ANKRD36B: variants seen among roughly 807,000 people sequenced by gnomAD.
ANKRD36B encodes the protein ankyrin repeat domain-containing protein 36B.
A neutral mutation model predicts 135.7 loss-of-function variants in ANKRD36B; 37 were observed. The observed-to-expected ratio is 0.27, with a 90% CI of 0.21 to 0.36. The LOEUF is 0.36. Ranked by LOEUF, ANKRD36B falls within the 10% of genes least tolerant of loss-of-function variation. The probability of loss-of-function intolerance (pLI) is 1.00; values close to 1 mark genes in which losing one functional copy is unlikely to be tolerated. For synonymous variants in ANKRD36B, 179 were observed against 348.1 expected (o/e 0.51, Z 5.41); for missense variants, 549 against 1,037.1 (o/e 0.53, Z 6.46).
chr2:97,573,577 C>T (rs1309794378), intron 6 of ANKRD36B, among the ~76,000 whole-genome samples: 1 of 152,128 alleles, frequency 6.6e-6, no homozygotes, highest in Admixed American at 6.6e-5. Flanking sequence ...GCCCACATCA[C>T]CAAGTCAATC....
rs1342837129 is a variant in ANKRD36B at position 97,529,560 on chromosome 2, T to A, written c.2265+2751A>T. 2.1e-5 allele frequency among the ~76,000 whole-genome samples: 2 copies of A among 95,032 alleles called. 1 individual carries two copies. Among genetic ancestry groups the A allele is most frequent in the Non-Finnish European group, 5.6e-5 (2 of 35,992 alleles). The allele number at this position is 95,032 out of a possible 152,430, so 62.3% of individuals were successfully genotyped here. On this transcript the variant is annotated intron_variant, in intron 35 of 43. Transcript: ENST00000359901. ...TGTTGGAAGTTCTGGCCAGGCCCATTAGGCAGGAGAAGGAAATAAAGGGTA... is the reference window on the plus strand; with the variant it reads ...TGTTGGAAGTTCTGGCCAGGCCCATAAGGCAGGAGAAGGAAATAAAGGGTA...
intron 20 of ANKRD36B, among the ~76,000 whole-genome samples, chr2:97,549,201 T>C (rs1407473021): frequency 6.6e-6 from 1 of 151,702 alleles, no homozygotes; most frequent in Non-Finnish European, 1.5e-5. Context: ...CCAACTTCAA[T>C]GTGGGGAAGT....
intron 16 of ANKRD36B, 29 bp downstream of exon 16, chr2:97,553,139 A>G (rs1271201928): frequency 1.2e-6 from 2 of 1,600,020 alleles, no homozygotes; most frequent in Non-Finnish European, 8.5e-7. Flanking sequence ...TGGATTGAAC[A>G]TGACATTGAA....
intron 14 of ANKRD36B, among the ~76,000 whole-genome samples, chr2:97,554,854 TG>T (rs1341040901): frequency 2.6e-5 from 4 of 151,912 alleles, no homozygotes; most frequent in Non-Finnish European, 5.9e-5. Flanking sequence ...AATTTCAATG[TG>T]GGGAAGTCTA....
Position 97,538,810 on chromosome 2 carries a change from A to G in ANKRD36B, c.1988-447T>C, listed in dbSNP as rs2079014830. 2.1e-5 allele frequency among the ~76,000 whole-genome samples: 2 copies of G among 97,172 alleles called. 1 individual carries two copies. Among genetic ancestry groups the G allele is most frequent in the Admixed American group, 1.8e-4 (2 of 10,908 alleles). The allele number at this position is 97,172 out of a possible 152,430, so 63.7% of individuals were successfully genotyped here. On this transcript the variant is annotated intron_variant, in intron 30 of 43. Coordinates refer to ENST00000359901, the MANE Select transcript of ANKRD36B (RefSeq NM_001393939.1). ...CATCATGCTCTTTAACTTGCCTGGT[A>G]ATTGAGCAGGTACACAATGACAATG...
intron 10 of ANKRD36B, among the ~76,000 whole-genome samples, chr2:97,558,278 T>A (rs1273238521): frequency 6.6e-6 from 1 of 152,070 alleles, no homozygotes; most frequent in South Asian, 2.1e-4. Context: ...GCAACTGAAC[T>A]CAGGTTTCCT....
chr2:97,589,550 C>T lies in ANKRD36B; in HGVS notation c.136G>A (p.Ala46Thr), dbSNP rs188661236. Residue 46 changes from alanine (A) to threonine (T), a missense_variant, in exon 1 of 44, where the codon GCC (alanine) becomes ACC (threonine). Ala to Thr is a moderately conservative substitution (Grantham distance 58, BLOSUM62 0). Transcript: ENST00000359901. ...LKYLLLTYYD[A>T]NKRDRKERTA... ...CTTTCCTTCCTGTCTCTCTTATTGG[C>T]GTCATAATACGTGAGCAGAAGGTAC... 2.2e-3 allele frequency: 3,564 copies of T among 1,604,964 alleles called. 62 individuals carry two copies. In the African/African-American group the frequency reaches 0.037, roughly 17 times the overall value.
rs1192777655 is a variant in ANKRD36B at position 97,529,355 on chromosome 2, C to G, written c.2265+2956G>C. On this transcript the variant is annotated intron_variant, in intron 35 of 43. Coordinates refer to ENST00000359901, the MANE Select transcript of ANKRD36B (RefSeq NM_001393939.1). Reference sequence around the variant, plus strand: ...AAGGCCTTTGATAAAATTCAACAACCCTTCATGCTAAAAACTCTCAATAAA... The same window carrying G: ...AAGGCCTTTGATAAAATTCAACAACGCTTCATGCTAAAAACTCTCAATAAA... 9.5e-5 allele frequency among the ~76,000 whole-genome samples: 9 copies of G among 94,504 alleles called. 1 individual carries two copies. The highest frequency in any genetic ancestry group is 2.4e-4 in the South Asian group (1 of 4,162). 62.0% of individuals were successfully genotyped at this position (94,504 alleles called of 152,430 possible).
chr2:97,564,838 T>C (rs1370004351), intron 6 of ANKRD36B, among the ~76,000 whole-genome samples: 2 of 152,150 alleles, frequency 1.3e-5, no homozygotes, highest in Non-Finnish European at 2.9e-5. Flanking sequence ...TTGCTTAGGA[T>C]TGTCTTGGCT....
rs1312862852 is a variant in ANKRD36B at position 97,527,911 on chromosome 2, G to T, written c.2265+4400C>A. On this transcript the variant is annotated intron_variant, in intron 35 of 43. Coordinates refer to ENST00000359901, the MANE Select transcript of ANKRD36B (RefSeq NM_001393939.1). The stretch of plus-strand genomic sequence containing the variant: ...CACCCAGATTCATAAGGCAAGTCCT[G>T]AGTGACCTACAAAGAGACTTAGACT... 7.3e-5 allele frequency among the ~76,000 whole-genome samples: 7 copies of T among 95,586 alleles called. 3 individuals are homozygous for T. The highest frequency in any genetic ancestry group is 1.4e-4 in the Non-Finnish European group (5 of 35,984). The allele number at this position is 95,586 out of a possible 152,430, so 62.7% of individuals were successfully genotyped here.
Position 97,553,391 on chromosome 2 carries a change from C to T in ANKRD36B, c.1172-20G>A. On this transcript the variant is annotated intron_variant, in intron 14 of 43. Coordinates refer to ENST00000359901, the MANE Select transcript of ANKRD36B (RefSeq NM_001393939.1). ...AAGACACTGAAAAGCAAAAGGGATA[C>T]ATAATCACTCATATGTAAATATGAT... 1 of 1,604,120 alleles carries T rather than the reference C, an allele frequency of 6.2e-7. No individual in the cohort carries two copies. Among genetic ancestry groups the T allele is most frequent in the African/African-American group, 1.3e-5 (1 of 74,622 alleles).
In ANKRD36B at chr2:97,545,588, C is replaced by T; in HGVS notation, c.1681+78G>A. Reference sequence around the variant, plus strand: ...TCAGAACATGAAGATTTGACGAACCCCCCGCTGCTTTATTTGGTGAAGAGA... The same window carrying T: ...TCAGAACATGAAGATTTGACGAACCTCCCGCTGCTTTATTTGGTGAAGAGA... On this transcript the variant is annotated intron_variant, in intron 24 of 43. Coordinates refer to ENST00000359901, the MANE Select transcript of ANKRD36B (RefSeq NM_001393939.1). 2.6e-6 allele frequency: 2 copies of T among 758,104 alleles called. 1 individual carries two copies. The allele number at this position is 758,104 out of a possible 1,614,324, so 47.0% of individuals were successfully genotyped here. A position where few individuals can be genotyped will look rare whatever the true frequency, so the allele number is the denominator to read the frequency against.
chr2:97,554,940 C>G (rs1256613026), intron 14 of ANKRD36B, 120 bp downstream of exon 14: 48 of 1,299,760 alleles, frequency 3.7e-5, no homozygotes, highest in Non-Finnish European at 5.2e-5. Context: ...GATGAAGAAT[C>G]TCTGGCCTGC....
chr2:97,563,994 A>AT (rs750317814), intron 6 of ANKRD36B, among the ~76,000 whole-genome samples: 83,586 of 150,784 alleles, frequency 0.55, 24,722 homozygotes, highest in Non-Finnish European at 0.67. Context: ...ATAGATCTGA[A>AT]ATATATATCA....
chr2:97,535,384 A>G (rs1373790311), intron 34 of ANKRD36B, among the ~76,000 whole-genome samples: 24 of 103,964 alleles, frequency 2.3e-4, no homozygotes, highest in South Asian at 4.7e-4. Context: ...ATTAACCATG[A>G]TGTCATTATT....
At position 97,554,965 on chromosome 2, in the gene ANKRD36B, C is replaced by A; in HGVS notation, c.1171+95G>T. The stretch of plus-strand genomic sequence containing the variant: ...CTCTGGCCTGCTGAATCAGAATGTG[C>A]AGCTTTGATGAGCCCCCCCACTGAT... On this transcript the variant is annotated intron_variant, in intron 14 of 43. Coordinates refer to ENST00000359901, the MANE Select transcript of ANKRD36B (RefSeq NM_001393939.1). 3.4e-6 allele frequency: 5 copies of A among 1,451,578 alleles called. No individual in the cohort carries two copies. The South Asian group carries it at 6.1e-5, about 18-fold the overall frequency. 89.9% of individuals were successfully genotyped at this position (1,451,578 alleles called of 1,614,324 possible).
intron 6 of ANKRD36B, among the ~76,000 whole-genome samples, chr2:97,573,669 T>C (rs141158708): frequency 0.06 from 9,176 of 152,272 alleles, 374 homozygotes; most frequent in Middle Eastern, 0.16. Flanking sequence ...CAAAACAGCA[T>C]GGTACTGGTA....
rs758406268 is a variant in ANKRD36B, at chr2:97,551,460, C to A, written c.1294G>T (p.Ala432Ser). Residue 432 changes from alanine (A) to serine (S), a missense_variant, in exon 17 of 44, where the codon GCC becomes TCC. Physicochemically the swap from Ala to Ser is moderately conservative, Grantham distance 99 (BLOSUM62 1). Transcript: ENST00000359901. The stretch of plus-strand genomic sequence containing the variant: ...AATGAGAGTTTCATTACCTTCAAGG[C>A]TGGTTTTTTCTGAGAAGACACTGAA... The part of the protein sequence containing the change: ...SGTVSSQKKP[A>S]LKATSDEKDS... The A allele has an allele frequency of 5.6e-6, 9 of 1,607,244 alleles. No homozygotes were observed. The highest frequency in any genetic ancestry group is 6.8e-6 in the Non-Finnish European group (8 of 1,178,730).
At chr2:97,547,238 A>C (rs1190178031) in intron 22 of ANKRD36B, 54 of 318,972 alleles carry the variant, frequency 1.7e-4, no homozygotes, top group Non-Finnish European at 2.8e-4. Flanking sequence ...CCCTTACTGA[A>C]AACAAGCTGG....
Sources: allele counts gnomAD v4.1 joint callset (sites outside exome capture counted in the v4.1 genomes callset), GRCh38; gene constraint gnomAD v4.1.1; transcripts MANE v1.5; gene names NCBI Gene and HGNC (gene_info 2026-07-23, HGNC 2026-07-21).